The following SETDB2 variants were observed in gnomAD, a reference collection of about 807,000 sequenced individuals.
SETDB2 encodes the protein SET domain bifurcated histone lysine methyltransferase 2.
Under a neutral mutation model 82.5 loss-of-function variants are expected in SETDB2, and 56 were observed. The observed-to-expected ratio is 0.68, with a 90% CI of 0.55 to 0.85. The LOEUF (loss-of-function observed/expected upper bound fraction) is 0.85, where lower values mean the gene tolerates loss of function less well. SETDB2 is among the 40% of genes least tolerant of loss of function. The pLI, the probability that SETDB2 is intolerant of heterozygous loss-of-function variation, is 0.00. For synonymous variants in SETDB2, 272 were observed against 284.9 expected (o/e 0.95, Z 0.46); for missense variants, 677 against 816.4 (o/e 0.83, Z 2.08).
intron 2 of SETDB2, among the ~76,000 whole-genome samples, chr13:49,454,259 G>A (rs1046725593): frequency 2.0e-5 from 3 of 152,096 alleles, no homozygotes; most frequent in South Asian, 4.1e-4. Flanking sequence ...AATAATAATA[G>A]TAATACAAAG....
chr13:49,460,282 C>T, intron 3 of SETDB2, 50 bp downstream of exon 3: 1 of 1,567,382 alleles, frequency 6.4e-7, no homozygotes, highest in Non-Finnish European at 8.7e-7. Context: ...ATATTTCTCT[C>T]TGACAGTACA....
At chr13:49,468,044 A>G in intron 5 of SETDB2, 84 bp downstream of exon 5, 3 of 911,240 alleles carry the variant, frequency 3.3e-6, no homozygotes, top group Non-Finnish European at 4.6e-6. Flanking sequence ...GAATAGATGA[A>G]ATATACAAAA....
At chr13:49,451,478 C>CATATATATAT (rs57949515) in intron 1 of SETDB2, 75 bp from the exon 2 acceptor site, 14 of 140,486 alleles carry the variant, frequency 1.0e-4, no homozygotes, top group South Asian at 2.3e-4. Context: ...CTTATATATA[C>CATATATATAT]ATATATATAT....
Position 49,476,660 on chromosome 13 carries a change from C to T in SETDB2, c.490C>T (p.Arg164Ter). Reference protein sequence around the residue: ...QLPIKCHFQRRHAKTNSHSSA... With the variant: ...QLPIKCHFQR ...GCCAATCAAATGTCACTTCCAAAGA[C>T]GACATGCAAAGACAAACTCTCATTC... Residue 164 changes from arginine (R) to a stop codon, truncating the protein, a stop_gained, in exon 6 of 14, where the codon CGA becomes TGA. Coordinates refer to ENST00000611815, the MANE Select transcript of SETDB2 (RefSeq NM_001160308.3). LOFTEE classifies it high-confidence loss of function. 1.9e-6 allele frequency: 3 copies of T among 1,614,120 alleles called. No homozygotes were observed. Among genetic ancestry groups the T allele is most frequent in the African/African-American group, 1.3e-5 (1 of 75,012 alleles).
At chr13:49,491,425 T>C (rs1042814637) in intron 13 of SETDB2, among the ~76,000 whole-genome samples, 3 of 152,230 alleles carry the variant, frequency 2.0e-5, no homozygotes, top group Non-Finnish European at 4.4e-5. Context: ...ACATAATCTT[T>C]AATTCAGAGC....
chr13:49,457,474 C>T (rs9535248), intron 2 of SETDB2, among the ~76,000 whole-genome samples: 106,816 of 143,930 alleles, frequency 0.74, 40,032 homozygotes, highest in African/African-American at 0.84. Flanking sequence ...TGCTCTGTTA[C>T]CCAGGCTGGA....
chr13:49,462,945 G>C (rs986806804), intron 4 of SETDB2, among the ~76,000 whole-genome samples: 1 of 152,136 alleles, frequency 6.6e-6, no homozygotes, highest in African/African-American at 2.4e-5. Flanking sequence ...TGGGGGATGA[G>C]GGCTGTAACA....
rs1555274660 is a variant in SETDB2 at position 49,493,777 on chromosome 13, GAGTCTGAAAATCTGT to G, written c.*1929_*1943del. The G allele has an allele frequency of 2.0e-5, 3 of 152,206 alleles. No homozygotes were observed. The highest frequency in any genetic ancestry group is 4.4e-5 in the Non-Finnish European group (3 of 68,044). The allele number at this position is 152,206 out of a possible 1,614,324, so 9.4% of individuals were successfully genotyped here. A position where few individuals can be genotyped will look rare whatever the true frequency, so the allele number is the denominator to read the frequency against. On this transcript the variant is annotated 3_prime_UTR_variant, in exon 14 of 14. Transcript: ENST00000611815. ...GCTAGCTTTCAGTGCTGTTGCTGTG[GAGTCTGAAAATCTGT>G]CTTCTGGCTTCCAGGGTGACTACTG...
chr13:49,451,985 A>G, intron 2 of SETDB2, 76 bp downstream of exon 2: 1 of 1,129,834 alleles, frequency 8.9e-7, no homozygotes, highest in Non-Finnish European at 1.2e-6. Context: ...CTGATGTGGA[A>G]TTGTCAAGGT....
At chr13:49,480,095 A>G (rs887775202) in intron 6 of SETDB2, 124 bp from the exon 7 acceptor site, 1 of 635,818 alleles carries the variant, frequency 1.6e-6, no homozygotes, top group African/African-American at 1.9e-5. Context: ...GATAGTGTTC[A>G]TGAGCCAAAC....
chr13:49,480,883 G>T, intron 7 of SETDB2, 64 bp from the exon 8 acceptor site: 1 of 1,551,388 alleles, frequency 6.4e-7, no homozygotes, highest in South Asian at 1.2e-5. Flanking sequence ...ATCAGTGTCA[G>T]TGAAGTGTCA....
rs1263483011 is a variant in SETDB2 at position 49,460,110 on chromosome 13, A to T, written c.20A>T (p.Asp7Val). 6.2e-7 allele frequency: 1 copy of T among 1,610,098 alleles called. No homozygotes were observed. Among genetic ancestry groups the T allele is most frequent in the Non-Finnish European group, 8.5e-7 (1 of 1,178,778 alleles). ...TAGTCACTTATTTTTATTTTAGGCG[A>T]TGCAAAAACTTTCTGGATGGAGCTA... MGEKNG[D>V]AKTFWMELED... is the part of the protein sequence containing the mutation. The change falls in exon 3 of 14, where the codon GAT becomes GTT. Residue 7 changes from aspartate to valine, a missense_variant. This residue lies in a region of SETDB2 where 14 missense variants were observed against 24.6 expected (regional missense o/e 0.57). Coordinates refer to ENST00000611815, the MANE Select transcript of SETDB2 (RefSeq NM_001160308.3).
At chr13:49,459,462 G>A (rs1022689217) in intron 2 of SETDB2, among the ~76,000 whole-genome samples, 1 of 152,024 alleles carries the variant, frequency 6.6e-6, no homozygotes, top group Non-Finnish European at 1.5e-5. Flanking sequence ...AATATGCTTA[G>A]CATTTTAGGT....
chr13:49,462,505 G>A (rs921287134), intron 4 of SETDB2, among the ~76,000 whole-genome samples: 1 of 152,156 alleles, frequency 6.6e-6, no homozygotes, highest in African/African-American at 2.4e-5. Flanking sequence ...ATTAGGTCAG[G>A]AGCCAGGGCA....
At chr13:49,446,410 C>T (rs192170277) in intron 1 of SETDB2, 924 of 456,406 alleles carry the variant, frequency 2.0e-3, no homozygotes, top group Non-Finnish European at 3.3e-3. Flanking sequence ...AATGTTCCCT[C>T]ACTCCTCTCC....
intron 4 of SETDB2, among the ~76,000 whole-genome samples, chr13:49,463,599 A>G (rs574586639): frequency 3.9e-5 from 6 of 152,222 alleles, no homozygotes; most frequent in African/African-American, 7.2e-5. Flanking sequence ...CACGTTTGCT[A>G]TGCAGCCCAG....
intron 12 of SETDB2, among the ~76,000 whole-genome samples, chr13:49,489,939 T>G (rs1487849934): frequency 1.7e-5 from 2 of 116,692 alleles, no homozygotes; most frequent in African/African-American, 6.6e-5. Context: ...ACATAAAACA[T>G]AGCATATTAT....
Position 49,488,360 on chromosome 13 carries a change from A to G in SETDB2, c.1647A>G (p.Ile549Met), listed in dbSNP as rs759585281. 15 of 1,610,866 alleles carry G rather than the reference A, an allele frequency of 9.3e-6. No individual in the cohort carries two copies. In the Admixed American group the frequency reaches 1.4e-4, roughly 15 times the overall value. ...TGATTGAATCAGATGTGATAGATATAACTAAATATAGAGAAGAAACTCCAC... is the reference window on the plus strand; with the variant it reads ...TGATTGAATCAGATGTGATAGATATGACTAAATATAGAGAAGAAACTCCAC... Reference protein sequence around the residue: ...NLLIESDVIDITKYREETPPR... With the variant: ...NLLIESDVIDMTKYREETPPR... The change falls in exon 12 of 14, where the codon ATA (isoleucine) becomes ATG (methionine). Residue 549 changes from isoleucine (I) to methionine (M), a missense_variant. By Grantham distance (10) the Ile-to-Met change is conservative. Coordinates refer to ENST00000611815, the MANE Select transcript of SETDB2 (RefSeq NM_001160308.3).
At chr13:49,477,069 A>C (rs770587518) in intron 6 of SETDB2, 30 bp downstream of exon 6, 1 of 1,521,612 alleles carries the variant, frequency 6.6e-7, no homozygotes, top group Admixed American at 2.1e-5. Flanking sequence ...GTTTCAAAAA[A>C]ATCTTCTGAA....
Sources: gnomAD v4.1 joint callset for allele counts (sites outside exome capture counted in the v4.1 genomes callset) on GRCh38, gnomAD v4.1.1 for gene constraint, gnomAD v4.1.1 regional missense constraint, MANE v1.5 for transcripts, NCBI Gene and HGNC (gene_info 2026-07-23, HGNC 2026-07-21) for gene names.